Variants in STPG4 observed in about 807,000 individuals in gnomAD.
STPG4 encodes sperm-tail PG-rich repeat containing 4.
Under a neutral mutation model 31.5 loss-of-function variants are expected in STPG4, and 41 were observed. The observed-to-expected ratio is 1.30, with a 90% CI of 1.01 to 1.69. The LOEUF is 1.69. STPG4 is among the 40% of genes most tolerant of loss of function. The pLI is 0.00. For synonymous variants in STPG4, 141 were observed against 103.0 expected, an observed-to-expected ratio of 1.37 and a Z score of -2.24; for missense variants, 375 against 293.4, an observed-to-expected ratio of 1.28 and a Z score of -2.03.
In STPG4 at chr2:47,151,273, T is replaced by G. The variant is rs779126595; in HGVS notation, c.384A>C (p.Leu128=). 13 of 1,614,210 alleles carry G rather than the reference T, an allele frequency of 8.1e-6. No individual in the cohort carries two copies. The Middle Eastern group carries it at 4.9e-4, about 61-fold the overall frequency. ...KDKPRPSPST[L]VDKDQSLQLS... ...AGCGCTTTACCTGATCTTTGTCAAC[T>G]AGTGTGCTGGGGCTTGGCCGTGGTT... is the stretch of plus-strand genomic sequence containing the variant. Residue 128 remains leucine, a synonymous_variant, in exon 3 of 7, where the codon CTA becomes CTC. Coordinates refer to ENST00000445927, the MANE Select transcript of STPG4 (RefSeq NM_001163561.2).
At chr2:47,155,074 G>C (rs1370096746) in intron 1 of STPG4, 97 bp downstream of exon 1, 4 of 1,146,202 alleles carry the variant, frequency 3.5e-6, no homozygotes, top group Non-Finnish European at 5.2e-6. Flanking sequence ...GGGAACGAGA[G>C]CGGCACGAAG....
At chr2:47,111,093 G>C (rs1231063956) in intron 5 of STPG4, among the ~76,000 whole-genome samples, 1 of 152,134 alleles carries the variant, frequency 6.6e-6, no homozygotes, top group Non-Finnish European at 1.5e-5. Context: ...TGAAAAGGCA[G>C]TTTTTATACC....
At chr2:47,115,242 T>C (rs577914534) in intron 5 of STPG4, among the ~76,000 whole-genome samples, 1 of 152,144 alleles carries the variant, frequency 6.6e-6, no homozygotes, top group Non-Finnish European at 1.5e-5. Context: ...TTTCTTTTTC[T>C]ATTATATTGA....
chr2:47,090,935 T>C (rs1446843794), intron 5 of STPG4, among the ~76,000 whole-genome samples: 3 of 152,172 alleles, frequency 2.0e-5, no homozygotes, highest in African/African-American at 7.2e-5. Flanking sequence ...CAACAGGCCA[T>C]TCATGAAGAG....
At chr2:47,139,751 G>T (rs1686667804) in intron 3 of STPG4, among the ~76,000 whole-genome samples, 1 of 152,040 alleles carries the variant, frequency 6.6e-6, no homozygotes, top group Non-Finnish European at 1.5e-5. Flanking sequence ...TGACAATTTT[G>T]ATTAACTCCG....
At chr2:47,100,915 C>T (rs956332058) in intron 5 of STPG4, among the ~76,000 whole-genome samples, 1 of 151,866 alleles carries the variant, frequency 6.6e-6, no homozygotes, top group Non-Finnish European at 1.5e-5. Context: ...GTAACACTCA[C>T]CACGAGGGTC....
intron 3 of STPG4, among the ~76,000 whole-genome samples, chr2:47,135,366 T>C (rs1197258198): frequency 6.6e-6 from 1 of 152,178 alleles, no homozygotes; most frequent in Admixed American, 6.5e-5. Flanking sequence ...GTTTAAGGTC[T>C]GTGTCTAGAT....
intron 6 of STPG4, among the ~76,000 whole-genome samples, chr2:47,088,827 C>G: frequency 6.6e-6 from 1 of 152,162 alleles, no homozygotes; most frequent in Non-Finnish European, 1.5e-5. Context: ...AGCCAAACGT[C>G]AAAGGAAGCT....
At chr2:47,111,076 T>G (rs1278011515) in intron 5 of STPG4, among the ~76,000 whole-genome samples, 1 of 152,200 alleles carries the variant, frequency 6.6e-6, no homozygotes, top group Non-Finnish European at 1.5e-5. Flanking sequence ...AAAGTAGAAT[T>G]TATGGGTGAA....
chr2:47,135,534 C>T (rs1425581977), intron 3 of STPG4, among the ~76,000 whole-genome samples: 1 of 152,022 alleles, frequency 6.6e-6, no homozygotes, highest in African/African-American at 2.4e-5. Context: ...TTACAGGCAC[C>T]CGCCACCACG....
At chr2:47,153,283 A>G (rs900766426) in intron 1 of STPG4, among the ~76,000 whole-genome samples, 1 of 152,202 alleles carries the variant, frequency 6.6e-6, no homozygotes, top group Non-Finnish European at 1.5e-5. Flanking sequence ...TAAGTATCTT[A>G]AATGTGACAA....
In STPG4 at chr2:47,087,137, A is replaced by G; in HGVS notation, c.625-7T>C. ...CTCCTGGGCCTGGGGTTTTCTGAAA[A>G]CAGAGCAGAAAACAGGGACTGATGA... On this transcript the variant is annotated splice_polypyrimidine_tract_variant and splice_region_variant and intron_variant, in intron 6 of 6. Transcript: ENST00000445927. 1 of 1,551,590 alleles carries G rather than the reference A, an allele frequency of 6.4e-7. No homozygotes were observed. The highest frequency in any genetic ancestry group is 8.7e-7 in the Non-Finnish European group (1 of 1,146,956).
At chr2:47,117,754 C>T (rs903974175) in intron 5 of STPG4, among the ~76,000 whole-genome samples, 4 of 152,118 alleles carry the variant, frequency 2.6e-5, no homozygotes, top group African/African-American at 9.7e-5. Flanking sequence ...GCCTACTTGG[C>T]ATAGGGTGTC....
intron 5 of STPG4, among the ~76,000 whole-genome samples, chr2:47,094,480 T>G (rs1236385939): frequency 6.6e-6 from 1 of 152,226 alleles, no homozygotes; most frequent in Non-Finnish European, 1.5e-5. Flanking sequence ...TGCTTTTATT[T>G]GAGGGCAACT....
chr2:47,112,760 T>A (rs949724), intron 5 of STPG4, among the ~76,000 whole-genome samples: 2 of 151,878 alleles, frequency 1.3e-5, no homozygotes, highest in South Asian at 4.2e-4. Flanking sequence ...CAAAACACAT[T>A]TCAGAAGAAT....
intron 5 of STPG4, among the ~76,000 whole-genome samples, chr2:47,127,889 C>A (rs979432579): frequency 3.9e-5 from 6 of 152,000 alleles, no homozygotes; most frequent in African/African-American, 1.5e-4. Flanking sequence ...GGTCTTGATA[C>A]CTGTATATGT....
chr2:47,122,329 A>G, intron 5 of STPG4, among the ~76,000 whole-genome samples: 1 of 152,118 alleles, frequency 6.6e-6, no homozygotes, highest in Middle Eastern at 3.2e-3. Flanking sequence ...TATACAAAGC[A>G]TTTTTAATGT....
chr2:47,105,132 A>T (rs1441393997), intron 5 of STPG4, among the ~76,000 whole-genome samples: 2 of 151,892 alleles, frequency 1.3e-5, no homozygotes, highest in Non-Finnish European at 2.9e-5. Context: ...CTCCAGCTTT[A>T]AGCCTTCCCA....
chr2:47,113,913 A>C (rs1046962934), intron 5 of STPG4, among the ~76,000 whole-genome samples: 7 of 152,014 alleles, frequency 4.6e-5, no homozygotes, highest in Non-Finnish European at 8.8e-5. Flanking sequence ...GGGCGCCTGT[A>C]GTCCCAGCTA....
Sources: allele counts gnomAD v4.1 joint callset (sites outside exome capture counted in the v4.1 genomes callset), GRCh38; gene constraint gnomAD v4.1.1; transcripts MANE v1.5; gene names NCBI Gene and HGNC (gene_info 2026-07-23, HGNC 2026-07-21).